Variants in USB1 observed in about 807,000 individuals in gnomAD.
USB1 encodes the protein U6 snRNA phosphodiesterase 1.
A neutral mutation model predicts 29.9 loss-of-function variants in USB1; 21 were observed. The ratio of observed to expected loss-of-function variants is 0.70; its 90% confidence interval spans 0.50 to 1.01. The LOEUF is 1.01. Ranked by LOEUF, USB1 falls within the 50% of genes least tolerant of loss-of-function variation. The pLI is 0.00. For synonymous variants in USB1, 143 were observed against 134.9 expected, an observed-to-expected ratio of 1.06 and a Z score of -0.42; for missense variants, 330 against 347.1, an observed-to-expected ratio of 0.95 and a Z score of 0.39.
intron 2 of USB1, among the ~76,000 whole-genome samples, chr16:58,006,604 A>G (rs1318930064): frequency 6.6e-6 from 1 of 152,178 alleles, no homozygotes; most frequent in Non-Finnish European, 1.5e-5. Flanking sequence ...GGTTGCAGTG[A>G]GCGGAGAGTG....
At position 58,020,452 on chromosome 16, in the gene USB1, CCT is replaced by C. The variant is rs200950416; in HGVS notation, c.*212_*213del. The C allele has an allele frequency of 1.7e-4, 106 of 615,432 alleles. No individual in the cohort carries two copies. Among genetic ancestry groups the C allele is most frequent in the Admixed American group, 2.0e-4 (8 of 39,242 alleles). 38.1% of individuals were successfully genotyped at this position (615,432 alleles called of 1,614,324 possible). A position where few individuals can be genotyped will look rare whatever the true frequency, so the allele number is the denominator to read the frequency against. On this transcript the variant is annotated 3_prime_UTR_variant, in exon 7 of 7. Coordinates refer to ENST00000219281, the MANE Select transcript of USB1 (RefSeq NM_024598.4). ...TCTTCCTCTTCTTTCTCTCTCTTCT[CCT>C]CTCTTTCTCTCCTCTGTCTCTCTTC...
chr16:58,006,072 G>A (rs545647863), intron 2 of USB1, among the ~76,000 whole-genome samples: 6 of 152,214 alleles, frequency 3.9e-5, no homozygotes, highest in African/African-American at 7.2e-5. Context: ...AGAAAAACAC[G>A]CTGGGTGTGG....
chr16:58,004,394 C>T (rs1963304639), intron 2 of USB1, among the ~76,000 whole-genome samples: 1 of 152,132 alleles, frequency 6.6e-6, no homozygotes, highest in African/African-American at 2.4e-5. Context: ...AGTCCTCCAA[C>T]TTTGTTCTTC....
In USB1 at chr16:58,010,109, A is replaced by G. The variant is rs1963457761; in HGVS notation, c.446A>G (p.His149Arg). 6.2e-7 allele frequency: 1 copy of G among 1,613,662 alleles called. No individual in the cohort carries two copies. Among genetic ancestry groups the G allele is most frequent in the Non-Finnish European group, 8.5e-7 (1 of 1,179,920 alleles). Residue 149 changes from histidine to arginine, a missense_variant, in exon 3 of 7, where the codon CAC (histidine) becomes CGC (arginine). By Grantham distance (29) the His-to-Arg change is conservative. Coordinates refer to ENST00000219281, the MANE Select transcript of USB1 (RefSeq NM_024598.4). ...QALKARMTSF[H>R]RFFFTANQVK... is the part of the protein sequence containing the mutation. ...CTGAAAGCCCGTATGACCTCCTTCCACAGGTGAGTGCTTCTTCCCTCTGCC... is the reference window on the plus strand; with the variant it reads ...CTGAAAGCCCGTATGACCTCCTTCCGCAGGTGAGTGCTTCTTCCCTCTGCC...
chr16:58,004,294 T>A (rs1963302617), intron 2 of USB1, among the ~76,000 whole-genome samples: 1 of 152,228 alleles, frequency 6.6e-6, no homozygotes. Flanking sequence ...TCAATTCTGT[T>A]CCATTCATCT....
intron 3 of USB1, chr16:58,012,478 A>T (rs1963517714): frequency 8.5e-7 from 1 of 1,170,346 alleles, no homozygotes; most frequent in African/African-American, 1.5e-5. Context: ...TCACCACCAC[A>T]GGCAGACTGT....
chr16:58,002,919 G>A (rs1963263723), intron 2 of USB1, among the ~76,000 whole-genome samples: 1 of 152,158 alleles, frequency 6.6e-6, no homozygotes, highest in African/African-American at 2.4e-5. Context: ...TCTGGAGCAG[G>A]GTGTCAAGGT....
chr16:58,016,185 T>C (rs529593562), intron 4 of USB1: 2 of 152,250 alleles, frequency 1.3e-5, no homozygotes, highest in African/African-American at 4.8e-5. Flanking sequence ...GGTGGACACA[T>C]TGGAGATACA....
Position 58,013,342 on chromosome 16 carries a change from A to G in USB1, c.450-931A>G. On this transcript the variant is annotated intron_variant, in intron 3 of 6. Transcript: ENST00000219281. This position sits in a 1 kb window ranked among gnomAD's most constrained non-coding sequence, Gnocchi z 4.3. ...GCTCCTGGTGGTTCTGTGATCCCTT[A>G]CATTTTCTCCAGAGGCAGAGAGTTG... 3.0e-6 allele frequency: 3 copies of G among 985,486 alleles called. No individual in the cohort carries two copies. The highest frequency in any genetic ancestry group is 2.4e-6 in the Non-Finnish European group (2 of 829,984). The allele number at this position is 985,486 out of a possible 1,614,324, so 61.0% of individuals were successfully genotyped here. A position where few individuals can be genotyped will look rare whatever the true frequency, so the allele number is the denominator to read the frequency against.
At chr16:58,017,212 AG>A (rs1963636211) in intron 4 of USB1, 121 bp from the exon 5 acceptor site, 1 of 824,278 alleles carries the variant, frequency 1.2e-6, no homozygotes. Context: ...CGAGTGTACC[AG>A]GGAGACGGTG....
intron 5 of USB1, among the ~76,000 whole-genome samples, chr16:58,018,224 C>CTT (rs1179959137): frequency 0.015 from 2,010 of 130,058 alleles, 66 homozygotes; most frequent in African/African-American, 0.049. Context: ...TGGTTGATGT[C>CTT]TTTTTTTTTT....
rs553916982 is a variant in USB1 at position 58,009,695 on chromosome 16, A to G, written c.266-234A>G. Among the ~76,000 whole-genome samples, 5 of 151,766 alleles carry G rather than the reference A, an allele frequency of 3.3e-5. No homozygotes were observed. In the East Asian group the frequency reaches 9.7e-4, roughly 29 times the overall value. The stretch of plus-strand genomic sequence containing the variant: ...AGCCGAGATTGCACCACTGCACTCC[A>G]GCCTGGGCGGCAGAGCAAGACTCCT... On this transcript the variant is annotated intron_variant, in intron 2 of 6. Transcript: ENST00000219281.
chr16:58,013,564 C>T lies in USB1; in HGVS notation c.450-709C>T, dbSNP rs2142307738. The T allele has an allele frequency of 2.1e-6, 2 of 960,904 alleles. No individual in the cohort carries two copies. The highest frequency in any genetic ancestry group is 2.4e-6 in the Non-Finnish European group (2 of 825,776). 59.5% of individuals were successfully genotyped at this position (960,904 alleles called of 1,614,324 possible). A position where few individuals can be genotyped will look rare whatever the true frequency, so the allele number is the denominator to read the frequency against. ...AACCAGTCCAAGTCAAAGCACTTAC[C>T]TAGCTGAGCCTGACTCTTCCCGTGT... On this transcript the variant is annotated intron_variant, in intron 3 of 6. Transcript: ENST00000219281. The surrounding 1 kb of genome is among the most constrained non-coding windows in gnomAD (Gnocchi z 4.3).
intron 3 of USB1, chr16:58,011,609 A>G: frequency 1.5e-5 from 15 of 989,132 alleles, no homozygotes; most frequent in Non-Finnish European, 1.8e-5. Context: ...TGGTTGTTTC[A>G]CAGGTGACAC....
In USB1 at chr16:58,008,514, C is replaced by T. The variant is rs1157546250; in HGVS notation, c.266-1415C>T. Among the ~76,000 whole-genome samples, 13 of 145,058 alleles carry T rather than the reference C, an allele frequency of 9.0e-5. No individual in the cohort carries two copies. In the East Asian group the frequency reaches 1.8e-3, roughly 20 times the overall value. ...CGTCACCCAGGCTGGAGTACAGTGG[C>T]GCAATCTCAGCTCACTGCAACTTCC... is the stretch of plus-strand genomic sequence containing the variant. On this transcript the variant is annotated intron_variant, in intron 2 of 6. Transcript: ENST00000219281.
chr16:58,020,466 C>T lies in USB1; in HGVS notation c.*221C>T. ...CTCTCTCTTCTCCTCTCTTTCTCTC[C>T]TCTGTCTCTCTTCCTCTCCTCTCTT... On this transcript the variant is annotated 3_prime_UTR_variant, in exon 7 of 7. Transcript: ENST00000219281. The T allele has an allele frequency of 1.7e-6, 1 of 594,970 alleles. No individual in the cohort carries two copies. The highest frequency in any genetic ancestry group is 1.9e-5 in the South Asian group (1 of 51,332). 36.9% of individuals were successfully genotyped at this position (594,970 alleles called of 1,614,324 possible).
In USB1 at chr16:58,013,271, T is replaced by C. The variant is rs1963539755; in HGVS notation, c.450-1002T>C. The C allele has an allele frequency of 1.0e-6, 1 of 985,294 alleles. No homozygotes were observed. The highest frequency in any genetic ancestry group is 1.2e-6 in the Non-Finnish European group (1 of 829,942). 61.0% of individuals were successfully genotyped at this position (985,294 alleles called of 1,614,324 possible). ...ACATCCAGTGTCCACTCCAGGATGTTTGGGAGACACCTTGAGAACTCTTCC... is the reference window on the plus strand; with the variant it reads ...ACATCCAGTGTCCACTCCAGGATGTCTGGGAGACACCTTGAGAACTCTTCC... On this transcript the variant is annotated intron_variant, in intron 3 of 6. Transcript: ENST00000219281. This position sits in a 1 kb window ranked among gnomAD's most constrained non-coding sequence, Gnocchi z 4.3.
chr16:58,014,197 T>G (rs912749653), intron 3 of USB1, 76 bp from the exon 4 acceptor site: 68 of 1,158,656 alleles, frequency 5.9e-5, no homozygotes, highest in South Asian at 4.6e-4. Context: ...CAAAGTGCTG[T>G]TTTTTTTTAA....
chr16:58,010,884 T>G, intron 3 of USB1: 1 of 646,506 alleles, frequency 1.5e-6, no homozygotes, highest in Non-Finnish European at 2.8e-6. Context: ...AGTTCCAAAT[T>G]TTTACGGAGG....
Sources: gnomAD v4.1 joint callset for allele counts (sites outside exome capture counted in the v4.1 genomes callset) on GRCh38, gnomAD v4.1.1 for gene constraint, Gnocchi (gnomAD v3.1) non-coding constraint, MANE v1.5 for transcripts, NCBI Gene and HGNC (gene_info 2026-07-23, HGNC 2026-07-21) for gene names.